Variants in A2ML1 observed in about 807,000 individuals in gnomAD.
A2ML1 encodes alpha-2-macroglobulin like 1, also known as alpha-2-macroglobulin-like protein 1.
In A2ML1, 161 loss-of-function variants were observed where a neutral mutation model predicts 181.9. That is an observed-to-expected ratio of 0.89 (90% CI 0.78 to 1.01). The LOEUF (loss-of-function observed/expected upper bound fraction) is 1.01. Ranked by LOEUF, A2ML1 falls within the 50% of genes least tolerant of loss-of-function variation. The probability of loss-of-function intolerance (pLI) is 0.00; values close to 1 mark genes in which losing one functional copy is unlikely to be tolerated. For missense variants in A2ML1, 1,670 were observed against 1,768.1 expected (o/e 0.94, Z 1.00); for synonymous variants, 663 against 666.8 (o/e 0.99, Z 0.09).
At chr12:8,884,231 G>GTTT (rs796251871) in intron 7 of A2ML1, among the ~76,000 whole-genome samples, 3 of 121,578 alleles carry the variant, frequency 2.5e-5, no homozygotes, top group African/African-American at 9.7e-5. Context: ...TTTATTTTTT[G>GTTT]TTTTTTTTTG....
chr12:8,833,708 T>G (rs1943189181), intron 4 of A2ML1, among the ~76,000 whole-genome samples: 1 of 152,142 alleles, frequency 6.6e-6, no homozygotes, highest in Non-Finnish European at 1.5e-5. Flanking sequence ...AAGAAGTGTT[T>G]GTTTGTTTTG....
downstream of A2ML1, among the ~76,000 whole-genome samples, chr12:8,881,335 A>G (rs1288624909): frequency 6.6e-6 from 1 of 152,240 alleles, no homozygotes; most frequent in African/African-American, 2.4e-5. Context: ...CATTAACAAG[A>G]CCAAGGAAGT....
At chr12:8,841,228 G>A (rs1943468859) in intron 10 of A2ML1, 141 bp from the exon 11 acceptor site, 1 of 731,398 alleles carries the variant, frequency 1.4e-6, no homozygotes, top group Non-Finnish European at 2.2e-6. Context: ...ACTCTTTCCT[G>A]AAATGTATTC....
At chr12:8,831,960 G>T (rs1449523431) in intron 4 of A2ML1, among the ~76,000 whole-genome samples, 1 of 152,130 alleles carries the variant, frequency 6.6e-6, no homozygotes, top group East Asian at 1.9e-4. Flanking sequence ...ATGTTGGTCA[G>T]GCTGTTCTTG....
At chr12:8,881,285 G>A (rs1944867529), downstream of A2ML1, among the ~76,000 whole-genome samples, 1 of 152,126 alleles carries the variant, frequency 6.6e-6, no homozygotes. Context: ...TGAGGAATGG[G>A]GGCTTATATG....
chr12:8,823,034 T>C, intron 1 of A2ML1, 148 bp from the exon 2 acceptor site: 1 of 819,840 alleles, frequency 1.2e-6, no homozygotes, highest in Non-Finnish European at 1.9e-6. Flanking sequence ...TCGTTGCCCC[T>C]CTGCTTCTTG....
downstream of A2ML1, among the ~76,000 whole-genome samples, chr12:8,887,358 A>C (rs539073706): frequency 1.3e-5 from 2 of 152,156 alleles, no homozygotes; most frequent in Non-Finnish European, 2.9e-5. Flanking sequence ...CATTAACCAT[A>C]TCTCTCCCCC....
chr12:8,843,232 C>G lies in A2ML1; in HGVS notation c.1347C>G (p.Thr449=). The change falls in exon 12 of 36, where the codon ACC becomes ACG. Residue 449 remains threonine, a synonymous_variant. Transcript: ENST00000299698. ...ACCTGCGACCCTTCTACAGCACAAC[C>G]CGCAGCTTCCTTGGCATCCACCGGC... ...YLHLRPFYST[T]RSFLGIHRLN... The G allele has an allele frequency of 1.2e-6, 2 of 1,614,196 alleles. No homozygotes were observed. Among genetic ancestry groups the G allele is most frequent in the South Asian group, 1.1e-5 (1 of 91,074 alleles).
intron 28 of A2ML1, among the ~76,000 whole-genome samples, chr12:8,861,777 A>G (rs896076719): frequency 4.9e-5 from 7 of 142,356 alleles, no homozygotes; most frequent in Non-Finnish European, 1.0e-4. Context: ...ATGAGCCACC[A>G]CGCCCGAGTT....
chr12:8,879,690 A>G (rs1160923218), downstream of A2ML1, among the ~76,000 whole-genome samples: 1 of 152,198 alleles, frequency 6.6e-6, no homozygotes, highest in African/African-American at 2.4e-5. Context: ...TTATTCTTGT[A>G]TCTTTGGGAT....
At chr12:8,839,297 C>A in intron 10 of A2ML1, 75 bp downstream of exon 10, 1 of 991,528 alleles carries the variant, frequency 1.0e-6, no homozygotes, top group Non-Finnish European at 1.5e-6. Flanking sequence ...GCAGCCATAG[C>A]CACATAGCTA....
intron 3 of A2ML1, among the ~76,000 whole-genome samples, chr12:8,825,968 A>G (rs1942916722): frequency 6.6e-6 from 1 of 152,176 alleles, no homozygotes; most frequent in Non-Finnish European, 1.5e-5. Flanking sequence ...TTATGACAGT[A>G]CCATGCTGTT....
chr12:8,868,592 T>C lies in A2ML1; in HGVS notation c.4117T>C (p.Ser1373Pro). 1 of 1,614,118 alleles carries C rather than the reference T, an allele frequency of 6.2e-7. No individual in the cohort carries two copies. Among genetic ancestry groups the C allele is most frequent in the Non-Finnish European group, 8.5e-7 (1 of 1,180,016 alleles). Residue 1373 changes from serine to proline, a missense_variant, in exon 32 of 36, where the codon TCT becomes CCT. Transcript: ENST00000299698. ...NMAIVEVKML[S>P]GFSPMEGTNQ... is the part of the protein sequence containing the mutation. ...GGCTATTGTGGAAGTGAAGATGCTATCTGGGTTCAGTCCCATGGAGGGCAC... is the reference window on the plus strand; with the variant it reads ...GGCTATTGTGGAAGTGAAGATGCTACCTGGGTTCAGTCCCATGGAGGGCAC...
chr12:8,857,100 A>G (rs1944090796), intron 23 of A2ML1, 64 bp from the exon 24 acceptor site: 7 of 1,477,554 alleles, frequency 4.7e-6, no homozygotes, highest in Non-Finnish European at 6.5e-6. Context: ...GTGAATGATG[A>G]TAACTCTTAG....
At chr12:8,836,501 G>A (rs1228512842) in intron 7 of A2ML1, among the ~76,000 whole-genome samples, 162 bp downstream of exon 7, 1 of 51,864 alleles carries the variant, frequency 1.9e-5, no homozygotes, top group Non-Finnish European at 3.8e-5. Flanking sequence ...TTTTTTTTTT[G>A]AGACAAAGTC....
Position 8,867,986 on chromosome 12 carries a change from C to G in A2ML1, c.3862C>G (p.Gln1288Glu). Residue 1288 changes from glutamine (Q) to glutamate (E), a missense_variant, in exon 30 of 36, where the codon CAG becomes GAG. Gln to Glu is a conservative substitution (Grantham distance 29, BLOSUM62 2). Transcript: ENST00000299698. ...GTCAGTTAACAGATTGGTATTTCAG[C>G]AGGATACCCTGCCCAATGTCCCTGG... is the stretch of plus-strand genomic sequence containing the variant. ...IQSVNRLVFQQDTLPNVPGMY... is the reference protein window; with the variant it reads ...IQSVNRLVFQEDTLPNVPGMY... 6.2e-7 allele frequency: 1 copy of G among 1,614,236 alleles called. No individual in the cohort carries two copies. The highest frequency in any genetic ancestry group is 1.6e-4 in the Middle Eastern group (1 of 6,062).
At chr12:8,837,850 AG>A (rs1435408547) in intron 8 of A2ML1, among the ~76,000 whole-genome samples, 1 of 149,532 alleles carries the variant, frequency 6.7e-6, no homozygotes, top group East Asian at 2.0e-4. Context: ...ACTGCACTCC[AG>A]CGTGGGTGAC....
intron 12 of A2ML1, among the ~76,000 whole-genome samples, chr12:8,844,092 T>C (rs997417465): frequency 6.6e-6 from 1 of 151,324 alleles, no homozygotes. Flanking sequence ...ATGGAAAACA[T>C]TGGGGGAAGA....
rs755267479 is a variant in A2ML1, at chr12:8,847,621, G to A, written c.1756G>A (p.Gly586Arg). The change falls in exon 15 of 36, where the codon GGA becomes AGA. Residue 586 changes from glycine to arginine, a missense_variant. Physicochemically the swap from Gly to Arg is moderately radical, Grantham distance 125. Transcript: ENST00000299698. ...EVELQLQAAP[G>R]SLCALRAVDE... ...GGAGCTGCAGCTGCAGGCAGCTCCCGGATCCCTGTGTGCGCTCCGGGCGGT... is the reference window on the plus strand; with the variant it reads ...GGAGCTGCAGCTGCAGGCAGCTCCCAGATCCCTGTGTGCGCTCCGGGCGGT... 2.4e-5 allele frequency: 39 copies of A among 1,613,708 alleles called. No individual in the cohort carries two copies. The South Asian group carries it at 3.2e-4, about 13-fold the overall frequency.
Sources: allele counts gnomAD v4.1 joint callset (sites outside exome capture counted in the v4.1 genomes callset), GRCh38; gene constraint gnomAD v4.1.1; transcripts MANE v1.5; gene names NCBI Gene and HGNC (gene_info 2026-07-23, HGNC 2026-07-21).